The following CES2 variants were observed in gnomAD, a reference collection of about 807,000 sequenced individuals.
CES2 encodes carboxylesterase 2.
Under a neutral mutation model 52.1 loss-of-function variants are expected in CES2, and 42 were observed. That is an observed-to-expected ratio of 0.81 (90% CI 0.63 to 1.04). The LOEUF is 1.04. Ranked by LOEUF, CES2 falls within the 50% of genes least tolerant of loss-of-function variation. The pLI, the probability that CES2 is intolerant of heterozygous loss-of-function variation, is 0.00. For missense variants in CES2, 656 were observed against 724.3 expected, an observed-to-expected ratio of 0.91 and a Z score of 1.08; for synonymous variants, 277 against 289.6, an observed-to-expected ratio of 0.96 and a Z score of 0.44.
rs1233896329 is a variant in CES2 at position 66,935,559 on chromosome 16, G to T, written c.-77G>T. 6.2e-7 allele frequency: 1 copy of T among 1,614,038 alleles called. No homozygotes were observed. Among genetic ancestry groups the T allele is most frequent in the African/African-American group, 1.3e-5 (1 of 75,072 alleles). ...AGGCTGGGCAAGGCACTGATCCACT[G>T]CTGGACAGACCCGGGGCAGCCTCTG... On this transcript the variant is annotated 5_prime_UTR_variant, in exon 1 of 12. Transcript: ENST00000317091.
intron 1 of CES2, among the ~76,000 whole-genome samples, chr16:66,936,822 C>A (rs1236619908): frequency 6.6e-6 from 1 of 152,128 alleles, no homozygotes; most frequent in Non-Finnish European, 1.5e-5. Flanking sequence ...CTGCCCTTGA[C>A]CACATTCTAG....
At chr16:66,937,878 GGGAA>G (rs1963251789) in intron 1 of CES2, among the ~76,000 whole-genome samples, 155 bp from the exon 2 acceptor site, 1 of 152,192 alleles carries the variant, frequency 6.6e-6, no homozygotes, top group Non-Finnish European at 1.5e-5. Flanking sequence ...AAGCCAGAGC[GGGAA>G]GGGAGTGTTA....
chr16:66,937,839 C>T (rs1462963257), intron 1 of CES2, among the ~76,000 whole-genome samples, 198 bp from the exon 2 acceptor site: 7 of 152,208 alleles, frequency 4.6e-5, no homozygotes, highest in Non-Finnish European at 8.8e-5. Context: ...CAAGGAGCCT[C>T]AGCCTGGTGG....
rs749069105 is a variant in CES2, at chr16:66,939,371, C to T, written c.423+13C>T. Reference sequence around the variant, plus strand: ...CTCTAACCTGCCGGTGGGTGTCAGGCCACAGTTCACTGGGGGTTGGAGGAC... The same window carrying T: ...CTCTAACCTGCCGGTGGGTGTCAGGTCACAGTTCACTGGGGGTTGGAGGAC... On this transcript the variant is annotated intron_variant, in intron 3 of 11. Coordinates refer to ENST00000317091, the MANE Select transcript of CES2 (RefSeq NM_001365405.1). 1.2e-6 allele frequency: 2 copies of T among 1,613,592 alleles called. No individual in the cohort carries two copies. Among genetic ancestry groups the T allele is most frequent in the African/African-American group, 2.7e-5 (2 of 74,914 alleles).
chr16:66,939,152 T>G, intron 2 of CES2, 65 bp from the exon 3 acceptor site: 1 of 1,491,892 alleles, frequency 6.7e-7, no homozygotes. Context: ...GGAGCACCTC[T>G]GAACCCAGGG....
intron 9 of CES2, 169 bp from the exon 10 acceptor site, chr16:66,942,479 C>A: frequency 1.2e-6 from 1 of 825,500 alleles, no homozygotes; most frequent in Non-Finnish European, 1.9e-6. Flanking sequence ...CCCAAGATGA[C>A]ACAGCAAAGA....
chr16:66,941,861 G>C lies in CES2; in HGVS notation c.1137+13G>C. 1 of 1,614,034 alleles carries C rather than the reference G, an allele frequency of 6.2e-7. No individual in the cohort carries two copies. Among genetic ancestry groups the C allele is most frequent in the Non-Finnish European group, 8.5e-7 (1 of 1,179,994 alleles). On this transcript the variant is annotated intron_variant, in intron 8 of 11. Coordinates refer to ENST00000317091, the MANE Select transcript of CES2 (RefSeq NM_001365405.1). ...GTTAACGCTGCTGGTAAGGCTCCTG[G>C]GGTCCCTCGCCAATGGAGACGGGCT...
At position 66,944,133 on chromosome 16, in the gene CES2, C is replaced by T. The variant is rs191085775; in HGVS notation, c.*108C>T. On this transcript the variant is annotated 3_prime_UTR_variant, in exon 12 of 12. Coordinates refer to ENST00000317091, the MANE Select transcript of CES2 (RefSeq NM_001365405.1). The stretch of plus-strand genomic sequence containing the variant: ...AAGAAGTTGATTCCTTCATTCACTT[C>T]GCCATTCATTCATACTTCCGTCCAT... The T allele has an allele frequency of 1.2e-3, 655 of 535,106 alleles. 5 individuals carry two copies. Among genetic ancestry groups the T allele is most frequent in the Non-Finnish European group, 1.2e-3 (369 of 312,198 alleles). The allele number at this position is 535,106 out of a possible 1,614,324, so 33.1% of individuals were successfully genotyped here. A position where few individuals can be genotyped will look rare whatever the true frequency, so the allele number is the denominator to read the frequency against.
At position 66,943,852 on chromosome 16, in the gene CES2, G is replaced by A. The variant is rs773408957; in HGVS notation, c.1507G>A (p.Glu503Lys). 5.6e-6 allele frequency: 9 copies of A among 1,597,150 alleles called. No individual in the cohort carries two copies. Among genetic ancestry groups the A allele is most frequent in the African/African-American group, 2.7e-5 (2 of 74,616 alleles). Residue 503 changes from glutamate to lysine, a missense_variant, in exon 12 of 12, where the codon GAG (glutamate) becomes AAG (lysine). Physicochemically the swap from Glu to Lys is moderately conservative, Grantham distance 56. Coordinates refer to ENST00000317091, the MANE Select transcript of CES2 (RefSeq NM_001365405.1). This position sits in a 1 kb window ranked among gnomAD's most constrained non-coding sequence, Gnocchi z 4.2. ...NFARNGNPNG[E>K]GLPHWPLFDQ... is the part of the protein sequence containing the mutation. ...GCATGTCTACAGGAACCCCAATGGC[G>A]AGGGTCTGCCACACTGGCCGCTGTT...
chr16:66,934,530 G>A (rs562779679), upstream of CES2: 1 of 1,061,114 alleles, frequency 9.4e-7, no homozygotes, highest in Non-Finnish European at 1.3e-6. This position sits in a 1 kb window ranked among gnomAD's most constrained non-coding sequence, Gnocchi z 4.1. Context: ...CCGCGGCCCT[G>A]GCTGCTCGGA....
rs1469433105 is a variant in CES2 at position 66,941,653 on chromosome 16, C to T, written c.1056+7C>T. 1.2e-6 allele frequency: 2 copies of T among 1,613,692 alleles called. No homozygotes were observed. Among genetic ancestry groups the T allele is most frequent in the East Asian group, 2.2e-5 (1 of 44,860 alleles). On this transcript the variant is annotated splice_region_variant and intron_variant, in intron 7 of 11. Transcript: ENST00000317091. ...CGGCTGGCTCATCCCCAAGGTGAGCCCCAACCCAAGCCCACAAGTGCCTGG... is the reference window on the plus strand; with the variant it reads ...CGGCTGGCTCATCCCCAAGGTGAGCTCCAACCCAAGCCCACAAGTGCCTGG...
Position 66,943,570 on chromosome 16 carries a change from G to C in CES2, c.1493+199G>C, listed in dbSNP as rs968125217. On this transcript the variant is annotated intron_variant, in intron 11 of 11. Coordinates refer to ENST00000317091, the MANE Select transcript of CES2 (RefSeq NM_001365405.1). This position sits in a 1 kb window ranked among gnomAD's most constrained non-coding sequence, Gnocchi z 4.2. The stretch of plus-strand genomic sequence containing the variant: ...ACGCTCTATCTCTCCAGTCTACCTG[G>C]AGGGTGGGCGCCAGTGCTGTGCCAC... 1 of 619,130 alleles carries C rather than the reference G, an allele frequency of 1.6e-6. No individual in the cohort carries two copies. The highest frequency in any genetic ancestry group is 2.8e-6 in the Non-Finnish European group (1 of 356,072). The allele number at this position is 619,130 out of a possible 1,614,324, so 38.4% of individuals were successfully genotyped here. A position where few individuals can be genotyped will look rare whatever the true frequency, so the allele number is the denominator to read the frequency against.
Position 66,942,125 on chromosome 16 carries a change from T to G in CES2, c.1158T>G (p.Gly386=). The stretch of plus-strand genomic sequence containing the variant: ...GGTAGATGTTGCCTCCTACATTTGG[T>G]GACCTGCTGAGGGAGGAGTACATTG... The part of the protein sequence containing the change: ...LTLLMLPPTF[G]DLLREEYIGD... Residue 386 remains glycine, a synonymous_variant, in exon 9 of 12, where the codon GGT becomes GGG. Coordinates refer to ENST00000317091, the MANE Select transcript of CES2 (RefSeq NM_001365405.1). The G allele has an allele frequency of 6.2e-7, 1 of 1,608,984 alleles. No individual in the cohort carries two copies. The highest frequency in any genetic ancestry group is 8.5e-7 in the Non-Finnish European group (1 of 1,175,948).
chr16:66,941,143 C>T lies in CES2; in HGVS notation c.836C>T (p.Ala279Val). Residue 279 changes from alanine to valine, a missense_variant, in exon 6 of 12, where the codon GCC becomes GTC. By Grantham distance (64) the Ala-to-Val change is moderately conservative. Coordinates refer to ENST00000317091, the MANE Select transcript of CES2 (RefSeq NM_001365405.1). ...TTACAGGTGGTGGCCAACCTGTCTG[C>T]CTGTGACCAAGTTGACTCTGAGGCC... ...VISTVVANLS[A>V]CDQVDSEALV... 1 of 1,613,972 alleles carries T rather than the reference C, an allele frequency of 6.2e-7. No homozygotes were observed. The highest frequency in any genetic ancestry group is 1.7e-5 in the Admixed American group (1 of 60,012).
In CES2 at chr16:66,943,523, G is replaced by T. The variant is rs1213289160; in HGVS notation, c.1493+152G>T. The stretch of plus-strand genomic sequence containing the variant: ...GCTCCGGGACCCACTCAGACAGGGT[G>T]GGGGTGCGTGGGGCAGTGGACACGC... On this transcript the variant is annotated intron_variant, in intron 11 of 11. Transcript: ENST00000317091. The surrounding 1 kb of genome is among the most constrained non-coding windows in gnomAD (Gnocchi z 4.2). 13 of 752,686 alleles carry T rather than the reference G, an allele frequency of 1.7e-5. 1 individual carries two copies. Among genetic ancestry groups the T allele is most frequent in the Non-Finnish European group, 2.6e-5 (12 of 454,850 alleles). 46.6% of individuals were successfully genotyped at this position (752,686 alleles called of 1,614,324 possible). A position where few individuals can be genotyped will look rare whatever the true frequency, so the allele number is the denominator to read the frequency against.
Position 66,941,658 on chromosome 16 carries a change from C to T in CES2, c.1056+12C>T. On this transcript the variant is annotated intron_variant, in intron 7 of 11. Transcript: ENST00000317091. ...GGCTCATCCCCAAGGTGAGCCCCAA[C>T]CCAAGCCCACAAGTGCCTGGGGAGC... The T allele has an allele frequency of 6.2e-7, 1 of 1,613,686 alleles. No individual in the cohort carries two copies. Among genetic ancestry groups the T allele is most frequent in the Non-Finnish European group, 8.5e-7 (1 of 1,179,712 alleles).
rs139982342 is a variant in CES2, at chr16:66,942,654, G to C, written c.1289G>C (p.Arg430Pro). 5 of 1,614,150 alleles carry C rather than the reference G, an allele frequency of 3.1e-6. No individual in the cohort carries two copies. The highest frequency in any genetic ancestry group is 1.7e-5 in the Admixed American group (1 of 60,028). ...ALQVAHFQCS[R>P]APVYFYEFQH... ...TGGGCTGTCCACCCCACAGGTTCCCGGGCCCCTGTGTACTTCTACGAGTTC... is the reference window on the plus strand; with the variant it reads ...TGGGCTGTCCACCCCACAGGTTCCCCGGCCCCTGTGTACTTCTACGAGTTC... Residue 430 changes from arginine (R) to proline (P), a missense_variant, in exon 10 of 12, where the codon CGG (arginine) becomes CCG (proline). Coordinates refer to ENST00000317091, the MANE Select transcript of CES2 (RefSeq NM_001365405.1).
Position 66,944,017 on chromosome 16 carries a change from G to C in CES2, c.1672G>C (p.Glu558Gln). 6.6e-7 allele frequency: 1 copy of C among 1,513,946 alleles called. No homozygotes were observed. The highest frequency in any genetic ancestry group is 9.0e-7 in the Non-Finnish European group (1 of 1,113,696). 93.8% of individuals were successfully genotyped at this position (1,513,946 alleles called of 1,614,324 possible). ...ELEEPEERHT[E>Q]L ...CGAGGAGCCTGAAGAGAGACACACA[G>C]AGCTGTAGCTCCCTGTGCCGGGGAG... The change falls in exon 12 of 12, where the codon GAG becomes CAG. Residue 558 changes from glutamate to glutamine, a missense_variant. By Grantham distance (29) the Glu-to-Gln change is conservative. Coordinates refer to ENST00000317091, the MANE Select transcript of CES2 (RefSeq NM_001365405.1).
Position 66,942,344 on chromosome 16 carries a change from T to C in CES2, c.1282+95T>C. 3 of 1,311,306 alleles carry C rather than the reference T, an allele frequency of 2.3e-6. No individual in the cohort carries two copies. The East Asian group carries it at 7.0e-5, about 31-fold the overall frequency. The allele number at this position is 1,311,306 out of a possible 1,614,324, so 81.2% of individuals were successfully genotyped here. A position where few individuals can be genotyped will look rare whatever the true frequency, so the allele number is the denominator to read the frequency against. On this transcript the variant is annotated intron_variant, in intron 9 of 11. Transcript: ENST00000317091. ...GCTGCTGTCCGGGTCAGCACTCATGTTTATTGGGCTCCGGGGACACTTGAC... is the reference window on the plus strand; with the variant it reads ...GCTGCTGTCCGGGTCAGCACTCATGCTTATTGGGCTCCGGGGACACTTGAC...
Sources: allele counts gnomAD v4.1 joint callset (sites outside exome capture counted in the v4.1 genomes callset), GRCh38; gene constraint gnomAD v4.1.1; non-coding constraint Gnocchi (gnomAD v3.1); transcripts MANE v1.5; gene names NCBI Gene and HGNC (gene_info 2026-07-23, HGNC 2026-07-21).